Variants in POGZ observed in about 807,000 individuals in gnomAD.
POGZ encodes pogo transposable element derived with ZNF domain.
In POGZ, 17 loss-of-function variants were observed where a neutral mutation model predicts 134.6. That is an observed-to-expected ratio of 0.13 (90% CI 0.09 to 0.19). The LOEUF (loss-of-function observed/expected upper bound fraction) is 0.19, where lower values mean the gene tolerates loss of function less well. Ranked by LOEUF, POGZ falls within the 10% of genes least tolerant of loss-of-function variation. The pLI, the probability that POGZ is intolerant of heterozygous loss-of-function variation, is 1.00. For missense variants in POGZ, 1,306 were observed against 1,769.7 expected, an observed-to-expected ratio of 0.74 and a Z score of 4.70; for synonymous variants, 693 against 657.1, an observed-to-expected ratio of 1.05 and a Z score of -0.84.
chr1:151,449,958 T>G (rs941764142), intron 1 of POGZ, among the ~76,000 whole-genome samples: 4 of 151,770 alleles, frequency 2.6e-5, no homozygotes, highest in African/African-American at 9.7e-5. Flanking sequence ...ATGTTAAAAA[T>G]TTTTTTATAA....
intron 1 of POGZ, among the ~76,000 whole-genome samples, 183 bp downstream of exon 1, chr1:151,458,969 C>G (rs1214637374): frequency 1.4e-5 from 2 of 144,324 alleles, no homozygotes; most frequent in African/African-American, 5.0e-5. Flanking sequence ...GCCCCTGCCG[C>G]GGGCCGCGCC....
rs1033740534 is a variant in POGZ, at chr1:151,435,516, G to C, written c.284-4675C>G. On this transcript the variant is annotated intron_variant, in intron 3 of 18. Coordinates refer to ENST00000271715, the MANE Select transcript of POGZ (RefSeq NM_015100.4). The stretch of plus-strand genomic sequence containing the variant: ...TACTTTCCTTTTTTTTTTTTGAGAT[G>C]GAGTCTTGCTCTGTAGCCCAAGTTG... Among the ~76,000 whole-genome samples the C allele has an allele frequency of 2.1e-5, 3 of 144,808 alleles. 1 individual carries two copies. Among genetic ancestry groups the C allele is most frequent in the African/African-American group, 7.6e-5 (3 of 39,630 alleles). The allele number at this position is 144,808 out of a possible 152,430, so 95.0% of individuals were successfully genotyped here. A position where few individuals can be genotyped will look rare whatever the true frequency, so the allele number is the denominator to read the frequency against.
rs779236118 is a variant in POGZ, at chr1:151,424,412, AG to A, written c.1186-127del. Reference sequence around the variant, plus strand: ...TATTCTCATTCAGCTTTCACCCTTCAGTTTTTTTTAGCGTTTCCAAGTTTTA... The same window carrying A: ...TATTCTCATTCAGCTTTCACCCTTCATTTTTTTTAGCGTTTCCAAGTTTTA... On this transcript the variant is annotated intron_variant, in intron 8 of 18. Coordinates refer to ENST00000271715, the MANE Select transcript of POGZ (RefSeq NM_015100.4). 348 of 613,072 alleles carry A rather than the reference AG, an allele frequency of 5.7e-4. 7 individuals are homozygous for A. Among genetic ancestry groups the A allele is most frequent in the Admixed American group, 1.0e-4 (3 of 29,900 alleles). 38.0% of individuals were successfully genotyped at this position (613,072 alleles called of 1,614,324 possible).
At chr1:151,419,859 G>A (rs1312286678) in intron 10 of POGZ, among the ~76,000 whole-genome samples, 1 of 152,048 alleles carries the variant, frequency 6.6e-6, no homozygotes, top group African/African-American at 2.4e-5. Flanking sequence ...AAAGATCAAT[G>A]AGGGTCTACA....
chr1:151,402,848 C>T lies in POGZ; in HGVS notation c.*1954G>A, dbSNP rs1403168949. 6.6e-6 allele frequency: 1 copy of T among 152,542 alleles called. No individual in the cohort carries two copies. Among genetic ancestry groups the T allele is most frequent in the African/African-American group, 2.4e-5 (1 of 41,420 alleles). 9.4% of individuals were successfully genotyped at this position (152,542 alleles called of 1,614,324 possible). On this transcript the variant is annotated 3_prime_UTR_variant, in exon 19 of 19. Transcript: ENST00000271715. Reference sequence around the variant, plus strand: ...CAAAGACAACTTCCTGGCCAAAACCCAGCTGATCCACTGTTGGTATAATCT... The same window carrying T: ...CAAAGACAACTTCCTGGCCAAAACCTAGCTGATCCACTGTTGGTATAATCT...
chr1:151,439,599 A>T (rs1032304807), intron 3 of POGZ, among the ~76,000 whole-genome samples: 20 of 152,206 alleles, frequency 1.3e-4, no homozygotes, highest in African/African-American at 4.8e-4. Context: ...ATGCCTGAAA[A>T]CATTCACCAC....
intron 18 of POGZ, 63 bp downstream of exon 18, chr1:151,406,544 T>C (rs1352271160): frequency 3.2e-6 from 5 of 1,540,420 alleles, no homozygotes; most frequent in South Asian, 1.2e-5. Flanking sequence ...ATAATAATAA[T>C]AATAATAACA....
intron 7 of POGZ, chr1:151,427,560 AG>A: frequency 2.5e-6 from 1 of 400,314 alleles, no homozygotes; most frequent in Admixed American, 3.8e-5. Flanking sequence ...TCTTCCATGA[AG>A]TTATCTTTCA....
At chr1:151,411,839 G>A (rs1654735615) in intron 11 of POGZ, 68 bp from the exon 12 acceptor site, 10 of 1,334,722 alleles carry the variant, frequency 7.5e-6, no homozygotes, top group South Asian at 4.9e-5. Context: ...TAAAAAAAAA[G>A]GTAGCAACAA....
Position 151,404,529 on chromosome 1 carries a change from A to AT in POGZ, c.*272dup. ...AAAAATACCAAACACAGTGATTTAAATTTAAAAAAAAAAAAAGTCACAAAA... is the reference window on the plus strand; with the variant it reads ...AAAAATACCAAACACAGTGATTTAAATTTTAAAAAAAAAAAAAGTCACAAAA... On this transcript the variant is annotated 3_prime_UTR_variant, in exon 19 of 19. Transcript: ENST00000271715. The AT allele has an allele frequency of 3.6e-6, 4 of 1,119,844 alleles. No homozygotes were observed. The highest frequency in any genetic ancestry group is 4.4e-6 in the Non-Finnish European group (4 of 915,336). The allele number at this position is 1,119,844 out of a possible 1,614,324, so 69.4% of individuals were successfully genotyped here.
At chr1:151,448,429 G>A (rs1661569602) in intron 1 of POGZ, among the ~76,000 whole-genome samples, 1 of 151,952 alleles carries the variant, frequency 6.6e-6, no homozygotes, top group Non-Finnish European at 1.5e-5. Context: ...TTGTGCAACA[G>A]AGAGAGACCT....
chr1:151,440,943 T>C lies in POGZ; in HGVS notation c.268A>G (p.Ile90Val). ...DSTKKTLVTL[I>V]ANNNAGNPLV... ...TCCCACTTACCATTGTTGTTGGCAA[T>C]TAGTGTGACAAGAGTCTTCTTTGTA... The change falls in exon 3 of 19, where the codon ATT (isoleucine) becomes GTT (valine). Residue 90 changes from isoleucine (I) to valine (V), a missense_variant. Coordinates refer to ENST00000271715, the MANE Select transcript of POGZ (RefSeq NM_015100.4). The C allele has an allele frequency of 6.2e-7, 1 of 1,613,440 alleles. No individual in the cohort carries two copies. The highest frequency in any genetic ancestry group is 8.5e-7 in the Non-Finnish European group (1 of 1,179,498).
At chr1:151,407,758 C>T (rs2102160470) in intron 15 of POGZ, among the ~76,000 whole-genome samples, 1 of 152,170 alleles carries the variant, frequency 6.6e-6, no homozygotes, top group East Asian at 1.9e-4. Context: ...TCTGTAATCC[C>T]AGCACTTTAG....
intron 10 of POGZ, among the ~76,000 whole-genome samples, chr1:151,420,156 C>T (rs1454124366): frequency 2.6e-5 from 4 of 151,978 alleles, no homozygotes; most frequent in African/African-American, 9.7e-5. Context: ...TCACTGCACC[C>T]CAGCCTGGGT....
At chr1:151,420,733 T>G (rs987423011) in intron 10 of POGZ, among the ~76,000 whole-genome samples, 51 of 152,286 alleles carry the variant, frequency 3.3e-4, no homozygotes, top group African/African-American at 1.2e-3. Context: ...AAACCCAATT[T>G]AGATTTGTAT....
chr1:151,412,313 T>A lies in POGZ; in HGVS notation c.1762A>T (p.Met588Leu). 1 of 1,593,292 alleles carries A rather than the reference T, an allele frequency of 6.3e-7. No homozygotes were observed. Among genetic ancestry groups the A allele is most frequent in the Non-Finnish European group, 8.6e-7 (1 of 1,163,784 alleles). Residue 588 changes from methionine (M) to leucine (L), a missense_variant, in exon 11 of 19, where the codon ATG (methionine) becomes TTG (leucine). Physicochemically the swap from Met to Leu is conservative, Grantham distance 15. This residue lies in a region of POGZ where 149 missense variants were observed against 237.5 expected (regional missense o/e 0.63). Transcript: ENST00000271715. Reference protein sequence around the residue: ...HMKDTHKPGEMPYVCQVCQYR... With the variant: ...HMKDTHKPGELPYVCQVCQYR... The stretch of plus-strand genomic sequence containing the variant: ...GGCAATACCTGGCAAACATAAGGCA[T>A]CTCTCCAGGCTTATGAGTATCCTTC...
intron 3 of POGZ, 84 bp from the exon 4 acceptor site, chr1:151,430,925 TTTATTTTA>T: frequency 1.6e-6 from 1 of 620,326 alleles, no homozygotes; most frequent in Non-Finnish European, 2.3e-6. Context: ...TTTATTTTAT[TTTATTTTA>T]TTTTATTTTA....
In POGZ at chr1:151,429,706, A is replaced by G. The variant is rs760917942; in HGVS notation, c.465T>C (p.Phe155=). The change falls in exon 5 of 19, where the codon TTT becomes TTC. Residue 155 remains phenylalanine (F), a synonymous_variant. Coordinates refer to ENST00000271715, the MANE Select transcript of POGZ (RefSeq NM_015100.4). Reference sequence around the variant, plus strand: ...GTACAGGCCGGACATTCCTTACAGGAAATCCCTGTATTAAAAAGCAAAATG... The same window carrying G: ...GTACAGGCCGGACATTCCTTACAGGGAATCCCTGTATTAAAAAGCAAAATG... ...SQPIFITTQG[F]PVRNVRPVQN... 2 of 1,601,386 alleles carry G rather than the reference A, an allele frequency of 1.2e-6. No homozygotes were observed. Among genetic ancestry groups the G allele is most frequent in the Non-Finnish European group, 1.7e-6 (2 of 1,168,784 alleles).
intron 1 of POGZ, among the ~76,000 whole-genome samples, chr1:151,446,864 T>C (rs958356995): frequency 3.3e-5 from 5 of 151,452 alleles, no homozygotes; most frequent in Admixed American, 6.6e-5. Context: ...TGAATCAAAA[T>C]TGTAGTGGTT....
Sources: gnomAD v4.1 joint callset for allele counts (sites outside exome capture counted in the v4.1 genomes callset) on GRCh38, gnomAD v4.1.1 for gene constraint, gnomAD v4.1.1 regional missense constraint, MANE v1.5 for transcripts, NCBI Gene and HGNC (gene_info 2026-07-23, HGNC 2026-07-21) for gene names.